Variants in ZNF827 observed in about 807,000 individuals in gnomAD.
ZNF827 encodes the protein zinc finger protein 827.
ZNF827 carries 13 observed loss-of-function variants against 102.4 expected under a neutral mutation model. That is an observed-to-expected ratio of 0.13 (90% CI 0.08 to 0.20). ZNF827 has a LOEUF of 0.20. Among genes scored for constraint, ZNF827 ranks in the 10% least tolerant of loss-of-function variants. The pLI is 1.00. For missense variants in ZNF827, 1,103 were observed against 1,344.4 expected, an observed-to-expected ratio of 0.82 and a Z score of 2.81; for synonymous variants, 523 against 536.2, an observed-to-expected ratio of 0.98 and a Z score of 0.34.
chr4:145,771,291 C>T lies in ZNF827; in HGVS notation c.2860+3215G>A, dbSNP rs1377224726. Among the ~76,000 whole-genome samples the T allele has an allele frequency of 7.2e-5, 11 of 152,098 alleles. 1 individual carries two copies. The highest frequency in any genetic ancestry group is 4.2e-4 in the South Asian group (2 of 4,818). On this transcript the variant is annotated intron_variant, in intron 11 of 14. Coordinates refer to ENST00000508784, the MANE Select transcript of ZNF827 (RefSeq NM_001306215.2). ...GATCTCTCGATTGTTTTCATTTGTG[C>T]TTTATTTTATCACTTAAGCTTTTAC...
In ZNF827 at chr4:145,849,401, G is replaced by A; in HGVS notation, c.2142C>T (p.Gly714=). The A allele has an allele frequency of 1.9e-6, 3 of 1,614,146 alleles. No individual in the cohort carries two copies. Among genetic ancestry groups the A allele is most frequent in the South Asian group, 1.1e-5 (1 of 91,076 alleles). Residue 714 remains glycine (G), a synonymous_variant, in exon 6 of 15, where the codon GGC becomes GGT. Transcript: ENST00000508784. ...KTEPLQKMPE[G]RVPPERNLFS... ...AGAGGTTTCTCTCTGGGGGTACTCT[G>A]CCCTCTGGCATCTTCTGTAAGGGTT...
intron 11 of ZNF827, among the ~76,000 whole-genome samples, chr4:145,768,890 A>AAAAG (rs1553975847): frequency 1.3e-4 from 1 of 7,724 alleles, no homozygotes; most frequent in Non-Finnish European, 3.2e-4. Flanking sequence ...AAAAAAAAAA[A>AAAAG]ATATATATAT....
At chr4:145,860,725 T>C (rs766872174) in intron 5 of ZNF827, among the ~76,000 whole-genome samples, 71 of 152,108 alleles carry the variant, frequency 4.7e-4, no homozygotes, top group Non-Finnish European at 6.8e-4. Flanking sequence ...GAAAAACGCA[T>C]ACATGGGTGG....
chr4:145,762,436 A>G lies in ZNF827; in HGVS notation c.*17+654T>C, dbSNP rs1424148066. On this transcript the variant is annotated intron_variant, in intron 14 of 14. Coordinates refer to ENST00000508784, the MANE Select transcript of ZNF827 (RefSeq NM_001306215.2). The surrounding 1 kb of genome is among the most constrained non-coding windows in gnomAD (Gnocchi z 4.9). ...TAATCCAACTGGATTGGAAATTCTCAGAGGGCAGGACCATATCTTACATTT... is the reference window on the plus strand; with the variant it reads ...TAATCCAACTGGATTGGAAATTCTCGGAGGGCAGGACCATATCTTACATTT... 6.6e-6 allele frequency among the ~76,000 whole-genome samples: 1 copy of G among 152,228 alleles called. No individual in the cohort carries two copies. Among genetic ancestry groups the G allele is most frequent in the Admixed American group, 6.5e-5 (1 of 15,292 alleles).
intron 1 of ZNF827, among the ~76,000 whole-genome samples, chr4:145,910,184 C>T (rs190723993): frequency 1.3e-5 from 2 of 152,238 alleles, no homozygotes; most frequent in Non-Finnish European, 2.9e-5. Flanking sequence ...GCATTTGGCA[C>T]ACAGCAACAT....
chr4:145,863,931 C>T (rs559397338), intron 5 of ZNF827, among the ~76,000 whole-genome samples: 2 of 152,186 alleles, frequency 1.3e-5, no homozygotes, highest in South Asian at 2.1e-4. Context: ...CAGTGGCTCA[C>T]CCCTGTAATC....
chr4:145,767,548 C>T (rs1284323951), intron 11 of ZNF827, among the ~76,000 whole-genome samples: 1 of 151,910 alleles, frequency 6.6e-6, no homozygotes, highest in African/African-American at 2.4e-5. Flanking sequence ...CACGAAGAAA[C>T]CTATACAAAA....
At chr4:145,838,237 T>C (rs1378989630) in intron 7 of ZNF827, among the ~76,000 whole-genome samples, 1 of 152,132 alleles carries the variant, frequency 6.6e-6, no homozygotes, top group Non-Finnish European at 1.5e-5. Context: ...CTGATGACAT[T>C]ACCTTGTGAA....
chr4:145,868,504 G>A (rs1748407044), intron 5 of ZNF827, among the ~76,000 whole-genome samples: 1 of 152,130 alleles, frequency 6.6e-6, no homozygotes, highest in East Asian at 1.9e-4. Flanking sequence ...CTCAACCAAA[G>A]GCAACATATA....
intron 4 of ZNF827, among the ~76,000 whole-genome samples, chr4:145,878,362 T>C (rs1055677536): frequency 2.0e-5 from 3 of 152,128 alleles, no homozygotes; most frequent in African/African-American, 7.2e-5. Context: ...CATGAGCTGG[T>C]GAAGACTGTT....
At chr4:145,774,438 AG>A (rs1234013381) in intron 11 of ZNF827, 67 bp downstream of exon 11, 70 of 1,535,386 alleles carry the variant, frequency 4.6e-5, no homozygotes, top group Non-Finnish European at 5.9e-5. Flanking sequence ...TGCTTCGGCC[AG>A]GTGGCAGGTG....
intron 4 of ZNF827, among the ~76,000 whole-genome samples, chr4:145,884,550 AC>A (rs964161589): frequency 1.3e-5 from 2 of 151,884 alleles, no homozygotes; most frequent in Non-Finnish European, 2.9e-5. Context: ...ACCTTTCCCC[AC>A]CCCCTACATC....
chr4:145,783,765 A>G (rs916150200), intron 8 of ZNF827, among the ~76,000 whole-genome samples: 1 of 152,218 alleles, frequency 6.6e-6, no homozygotes, highest in East Asian at 1.9e-4. Context: ...TTGTGAATAT[A>G]AGGCATGAAG....
intron 1 of ZNF827, among the ~76,000 whole-genome samples, chr4:145,923,069 C>CA (rs1753189705): frequency 6.6e-6 from 1 of 152,124 alleles, no homozygotes; most frequent in Admixed American, 6.5e-5. Flanking sequence ...AAATGTCCAA[C>CA]ACAAGATGTT....
At chr4:145,885,647 AGAGAG>A (rs1750053428) in intron 4 of ZNF827, 26 bp downstream of exon 4, 3 of 1,494,852 alleles carry the variant, frequency 2.0e-6, no homozygotes, top group Non-Finnish European at 2.7e-6. Context: ...AGAGAGAGAG[AGAGAG>A]AGAGAATACA....
chr4:145,792,722 T>G (rs1333441386), intron 8 of ZNF827, among the ~76,000 whole-genome samples: 1 of 152,072 alleles, frequency 6.6e-6, no homozygotes, highest in African/African-American at 2.4e-5. Context: ...CAGATAATAT[T>G]CAATAATTCA....
intron 4 of ZNF827, among the ~76,000 whole-genome samples, chr4:145,881,673 A>T (rs1427228317): frequency 6.6e-6 from 1 of 151,944 alleles, no homozygotes; most frequent in Non-Finnish European, 1.5e-5. Context: ...AACTGGAGAA[A>T]CTCCCCTGTC....
At chr4:145,848,810 G>C (rs1746235687) in intron 6 of ZNF827, among the ~76,000 whole-genome samples, 1 of 152,190 alleles carries the variant, frequency 6.6e-6, no homozygotes, top group Non-Finnish European at 1.5e-5. Flanking sequence ...TACCGAAACT[G>C]TTCTGCTAAG....
At chr4:145,820,542 C>T (rs1743042922) in intron 8 of ZNF827, among the ~76,000 whole-genome samples, 1 of 152,156 alleles carries the variant, frequency 6.6e-6, no homozygotes, top group African/African-American at 2.4e-5. Flanking sequence ...TTATTTTCTA[C>T]CTAGTCACTA....
Sources: allele counts gnomAD v4.1 joint callset (sites outside exome capture counted in the v4.1 genomes callset), GRCh38; gene constraint gnomAD v4.1.1; non-coding constraint Gnocchi (gnomAD v3.1); transcripts MANE v1.5; gene names NCBI Gene and HGNC (gene_info 2026-07-23, HGNC 2026-07-21).